ITPR2: variants seen among roughly 807,000 people sequenced by gnomAD.
ITPR2 encodes inositol 1,4,5-trisphosphate-gated calcium channel ITPR2.
ITPR2 carries 207 observed loss-of-function variants against 317.1 expected under a neutral mutation model. The ratio of observed to expected loss-of-function variants is 0.65; its 90% CI spans 0.58 to 0.73. The LOEUF (loss-of-function observed/expected upper bound fraction) is 0.73. Among genes scored for constraint, ITPR2 ranks in the 30% least tolerant of loss-of-function variants. The pLI is 0.00. For missense variants in ITPR2, 2,613 were observed against 3,284.0 expected, an observed-to-expected ratio of 0.80 and a Z score of 4.99; for synonymous variants, 1,156 against 1,149.1, an observed-to-expected ratio of 1.01 and a Z score of -0.12.
At chr12:26,636,418 C>G (rs894797567) in intron 21 of ITPR2, among the ~76,000 whole-genome samples, 1 of 152,132 alleles carries the variant, frequency 6.6e-6, no homozygotes, top group Non-Finnish European at 1.5e-5. Flanking sequence ...TTTCTAACAC[C>G]TGGAATAGTG....
At chr12:26,439,921 T>G (rs1388745509) in intron 46 of ITPR2, among the ~76,000 whole-genome samples, 1 of 111,356 alleles carries the variant, frequency 9.0e-6, no homozygotes, top group Non-Finnish European at 1.9e-5. Context: ...TATTTGTGAC[T>G]GTTTAACTTT....
At position 26,439,283 on chromosome 12, in the gene ITPR2, A is replaced by G; in HGVS notation, c.6487T>C (p.Phe2163Leu). The G allele has an allele frequency of 2.5e-6, 4 of 1,610,516 alleles. No homozygotes were observed. The highest frequency in any genetic ancestry group is 3.4e-6 in the Non-Finnish European group (4 of 1,178,548). ...TATTCACATATATTGGGGACAGGAAAAACTATTTGTTCCATGGTCCTATCA... is the reference window on the plus strand; with the variant it reads ...TATTCACATATATTGGGGACAGGAAGAACTATTTGTTCCATGGTCCTATCA... ...RHDRTMEQIV[F>L]PVPNICEYLT... is the part of the protein sequence containing the mutation. Residue 2163 changes from phenylalanine (F) to leucine (L), a missense_variant, in exon 47 of 57, where the codon TTT (phenylalanine) becomes CTT (leucine). Transcript: ENST00000381340.
chr12:26,459,155 G>T (rs1286392682), intron 45 of ITPR2, among the ~76,000 whole-genome samples: 2 of 152,170 alleles, frequency 1.3e-5, no homozygotes, highest in African/African-American at 4.8e-5. Context: ...ATCTAGGAGG[G>T]TGGACATTTT....
chr12:26,545,589 ATTTGTGTGGTT>A (rs1272746506), intron 37 of ITPR2, among the ~76,000 whole-genome samples: 1 of 152,176 alleles, frequency 6.6e-6, no homozygotes, highest in Admixed American at 6.5e-5. Context: ...AAGATAATAA[ATTTGTGTGGTT>A]TTACACACCA....
At chr12:26,391,550 CTTTTCCTTTTTTTTT>C (rs1939840199) in intron 54 of ITPR2, among the ~76,000 whole-genome samples, 1 of 59,890 alleles carries the variant, frequency 1.7e-5, no homozygotes, top group African/African-American at 7.6e-5. Flanking sequence ...TCTTCTTCTT[CTTTTCCTTTTTTTTT>C]TTTTTTTTTT....
intron 55 of ITPR2, among the ~76,000 whole-genome samples, chr12:26,370,257 G>A (rs981716034): frequency 6.6e-6 from 1 of 152,136 alleles, no homozygotes; most frequent in African/African-American, 2.4e-5. Context: ...TGAAGTAAGG[G>A]CATCTTTTTG....
intron 55 of ITPR2, among the ~76,000 whole-genome samples, chr12:26,382,737 C>A (rs1014919526): frequency 6.6e-6 from 1 of 152,124 alleles, no homozygotes; most frequent in Non-Finnish European, 1.5e-5. Context: ...ATATTTCAGA[C>A]CCCGATCCTA....
At chr12:26,789,743 T>A (rs1950312235) in intron 2 of ITPR2, among the ~76,000 whole-genome samples, 1 of 152,218 alleles carries the variant, frequency 6.6e-6, no homozygotes. Flanking sequence ...AAATTGCTAT[T>A]TTAAAAAGTA....
At chr12:26,661,954 A>C (rs953699393) in intron 15 of ITPR2, among the ~76,000 whole-genome samples, 1 of 152,210 alleles carries the variant, frequency 6.6e-6, no homozygotes, top group Non-Finnish European at 1.5e-5. Context: ...AAGGAACCCA[A>C]TGAAGTCCGG....
chr12:26,794,728 A>G (rs1203715032), intron 1 of ITPR2, among the ~76,000 whole-genome samples: 1 of 152,246 alleles, frequency 6.6e-6, no homozygotes, highest in African/African-American at 2.4e-5. Flanking sequence ...GTTTATAAAC[A>G]TAATTACTAA....
intron 1 of ITPR2, among the ~76,000 whole-genome samples, chr12:26,791,744 C>T (rs1950345151): frequency 6.6e-6 from 1 of 152,080 alleles, no homozygotes; most frequent in African/African-American, 2.4e-5. Flanking sequence ...AGAAAGCAAA[C>T]CCAAACTTCC....
intron 4 of ITPR2, among the ~76,000 whole-genome samples, chr12:26,723,637 A>G (rs113336982): frequency 3.7e-4 from 56 of 152,142 alleles, no homozygotes; most frequent in Non-Finnish European, 4.6e-4. Flanking sequence ...TCTTATCCCA[A>G]CAGTGCACTG....
At chr12:26,433,668 A>G (rs2136714227) in intron 48 of ITPR2, among the ~76,000 whole-genome samples, 1 of 152,258 alleles carries the variant, frequency 6.6e-6, no homozygotes, top group East Asian at 1.9e-4. Context: ...TTGTCCTCAG[A>G]GAGTTCACAG....
chr12:26,705,100 T>A (rs1948525963), intron 9 of ITPR2, among the ~76,000 whole-genome samples: 1 of 152,192 alleles, frequency 6.6e-6, no homozygotes, highest in Non-Finnish European at 1.5e-5. Flanking sequence ...ACCTCATTTT[T>A]AAAAATACAT....
At chr12:26,564,760 A>C (rs1324094886) in intron 34 of ITPR2, among the ~76,000 whole-genome samples, 1 of 152,230 alleles carries the variant, frequency 6.6e-6, no homozygotes, top group African/African-American at 2.4e-5. Context: ...AAGGCATGGA[A>C]CGAATTCTTC....
At chr12:26,469,520 T>C (rs1942250126) in intron 45 of ITPR2, among the ~76,000 whole-genome samples, 1 of 152,084 alleles carries the variant, frequency 6.6e-6, no homozygotes, top group African/African-American at 2.4e-5. Flanking sequence ...GATCAACCAA[T>C]CTCTAATAGC....
chr12:26,672,141 T>C (rs1462460900), intron 13 of ITPR2, among the ~76,000 whole-genome samples: 2 of 152,066 alleles, frequency 1.3e-5, no homozygotes, highest in Non-Finnish European at 2.9e-5. Context: ...GACAGATCAA[T>C]GACACAGAAA....
At chr12:26,607,879 G>A (rs1946172487) in intron 26 of ITPR2, among the ~76,000 whole-genome samples, 1 of 152,094 alleles carries the variant, frequency 6.6e-6, no homozygotes, top group Admixed American at 6.5e-5. Flanking sequence ...AGGAGATCGA[G>A]ACCATCCTGG....
At chr12:26,388,533 A>G (rs112647426) in intron 54 of ITPR2, among the ~76,000 whole-genome samples, 35 of 152,158 alleles carry the variant, frequency 2.3e-4, no homozygotes, top group African/African-American at 8.2e-4. Context: ...GGCTCAATGC[A>G]GACTCAACCT....
Sources: gnomAD v4.1 joint callset for allele counts (sites outside exome capture counted in the v4.1 genomes callset) on GRCh38, gnomAD v4.1.1 for gene constraint, MANE v1.5 for transcripts, NCBI Gene and HGNC (gene_info 2026-07-23, HGNC 2026-07-21) for gene names.